Variants in MTMR12 observed in about 807,000 individuals in gnomAD.
The protein encoded by MTMR12 is myotubularin related protein 12, also known as myotubularin-related protein 12.
A neutral mutation model predicts 96.7 loss-of-function variants in MTMR12; 33 were observed. That is an observed-to-expected ratio of 0.34 (90% CI 0.26 to 0.46). The LOEUF is 0.46. Ranked by LOEUF, MTMR12 falls within the 20% of genes least tolerant of loss-of-function variation. The pLI is 1.00. For synonymous variants in MTMR12, 298 were observed against 327.2 expected (o/e 0.91, Z 0.96); for missense variants, 721 against 896.1 (o/e 0.80, Z 2.49).
At chr5:32,244,509 T>C (rs1370725115) in intron 10 of MTMR12, among the ~76,000 whole-genome samples, 1 of 152,118 alleles carries the variant, frequency 6.6e-6, no homozygotes, top group African/African-American at 2.4e-5. Context: ...GAGAATTGCT[T>C]GAACCAGGGT....
chr5:32,234,012 C>T, intron 14 of MTMR12, 78 bp from the exon 15 acceptor site: 1 of 1,534,408 alleles, frequency 6.5e-7, no homozygotes, highest in Non-Finnish European at 9.0e-7. Flanking sequence ...GACACAGGCA[C>T]CAGGAAGCAT....
intron 1 of MTMR12, among the ~76,000 whole-genome samples, chr5:32,290,588 A>G (rs915534504): frequency 2.0e-5 from 3 of 152,128 alleles, no homozygotes; most frequent in Non-Finnish European, 2.9e-5. Flanking sequence ...TGAGTGTGTT[A>G]CTCCAGCCCA....
chr5:32,271,138 C>T (rs1023766558), intron 4 of MTMR12, among the ~76,000 whole-genome samples, 191 bp from the exon 5 acceptor site: 1 of 152,226 alleles, frequency 6.6e-6, no homozygotes, highest in Non-Finnish European at 1.5e-5. Context: ...TCTCTGAGAG[C>T]AGTCAGCGTG....
chr5:32,253,291 C>CTA (rs1483620877), intron 8 of MTMR12, among the ~76,000 whole-genome samples: 1 of 152,164 alleles, frequency 6.6e-6, no homozygotes, highest in Non-Finnish European at 1.5e-5. Context: ...AAACAAGAGG[C>CTA]TATAGTGGTA....
intron 1 of MTMR12, among the ~76,000 whole-genome samples, chr5:32,280,758 G>C (rs889407115): frequency 1.3e-5 from 2 of 152,110 alleles, no homozygotes; most frequent in Admixed American, 6.6e-5. Flanking sequence ...TAAACTGACT[G>C]AGTGTCAGTT....
In MTMR12 at chr5:32,296,514, G is replaced by A. The variant is rs142296482; in HGVS notation, c.81+16244C>T. ...AACGAGAAAAAAAAAGGTGTAATTG[G>A]CTGGGCATGGCGATTTACACTTTGC... On this transcript the variant is annotated intron_variant, in intron 1 of 15. Coordinates refer to ENST00000382142, the MANE Select transcript of MTMR12 (RefSeq NM_001040446.3). The A allele has an allele frequency of 4.4e-5, 15 of 340,096 alleles. No homozygotes were observed. In the East Asian group the frequency reaches 1.0e-3, roughly 24 times the overall value. The allele number at this position is 340,096 out of a possible 1,614,324, so 21.1% of individuals were successfully genotyped here. A position where few individuals can be genotyped will look rare whatever the true frequency, so the allele number is the denominator to read the frequency against.
intron 7 of MTMR12, among the ~76,000 whole-genome samples, chr5:32,259,801 T>A (rs1581609477): frequency 1.3e-5 from 2 of 152,044 alleles, no homozygotes; most frequent in Non-Finnish European, 2.9e-5. Context: ...TTTGGGAGGC[T>A]GAGGCAGGCG....
intron 4 of MTMR12, 139 bp downstream of exon 4, chr5:32,271,694 G>T (rs370624550): frequency 4.2e-6 from 2 of 475,860 alleles, no homozygotes; most frequent in East Asian, 7.3e-5. Context: ...CTCAATTTTA[G>T]CATCTATAAA....
chr5:32,301,678 G>A (rs907185945), intron 1 of MTMR12, among the ~76,000 whole-genome samples: 2 of 152,068 alleles, frequency 1.3e-5, no homozygotes, highest in East Asian at 1.9e-4. Context: ...ATCACCTGAG[G>A]GTAGGAGTTT....
At chr5:32,246,177 T>TTTTTTTGTTTTTTG (rs1342604800) in intron 10 of MTMR12, among the ~76,000 whole-genome samples, 31 of 150,160 alleles carry the variant, frequency 2.1e-4, no homozygotes, top group Admixed American at 1.2e-3. Flanking sequence ...ACAGTTTTTT[T>TTTTTTTGTTTTTTG]TTTTTTTGAG....
chr5:32,288,835 C>G (rs1750641968), intron 1 of MTMR12, among the ~76,000 whole-genome samples: 1 of 152,122 alleles, frequency 6.6e-6, no homozygotes, highest in South Asian at 2.1e-4. Flanking sequence ...GTAAGGGATC[C>G]AAAGGCTTAG....
At chr5:32,291,658 G>A (rs1042333659) in intron 1 of MTMR12, among the ~76,000 whole-genome samples, 4 of 152,108 alleles carry the variant, frequency 2.6e-5, no homozygotes, top group African/African-American at 9.7e-5. Flanking sequence ...CACACAATGG[G>A]CCCATAAACG....
At chr5:32,249,839 AAGAC>A (rs1748846650) in intron 8 of MTMR12, among the ~76,000 whole-genome samples, 1 of 152,214 alleles carries the variant, frequency 6.6e-6, no homozygotes. Context: ...ATGGAGAAGA[AAGAC>A]AGACTGGTTG....
At chr5:32,256,897 T>G (rs1020864314) in intron 7 of MTMR12, among the ~76,000 whole-genome samples, 1 of 152,202 alleles carries the variant, frequency 6.6e-6, no homozygotes, top group East Asian at 1.9e-4. Flanking sequence ...TGAAAATCTA[T>G]AGATGAAGCA....
intron 6 of MTMR12, among the ~76,000 whole-genome samples, chr5:32,265,579 AAGACAGCACCC>A (rs1749556634): frequency 6.6e-6 from 1 of 152,242 alleles, no homozygotes; most frequent in Non-Finnish European, 1.5e-5. Flanking sequence ...CACAAACTCT[AAGACAGCACCC>A]AGTTAATCAG....
chr5:32,232,878 G>C (rs768793187), intron 15 of MTMR12: 164 of 832,234 alleles, frequency 2.0e-4, no homozygotes, highest in Non-Finnish European at 2.3e-4. Flanking sequence ...CACCAGAAAG[G>C]GCCAGGCTTT....
intron 3 of MTMR12, among the ~76,000 whole-genome samples, chr5:32,272,668 C>T (rs891156883): frequency 1.2e-4 from 19 of 152,152 alleles, no homozygotes; most frequent in Non-Finnish European, 1.6e-4. Context: ...TAAGAGCCAC[C>T]GCGCGTGGTC....
In MTMR12 at chr5:32,312,872, C is replaced by G; in HGVS notation, c.-34G>C. 1.3e-6 allele frequency: 2 copies of G among 1,507,146 alleles called. No homozygotes were observed. The highest frequency in any genetic ancestry group is 8.8e-7 in the Non-Finnish European group (1 of 1,133,272). The allele number at this position is 1,507,146 out of a possible 1,614,324, so 93.4% of individuals were successfully genotyped here. A position where few individuals can be genotyped will look rare whatever the true frequency, so the allele number is the denominator to read the frequency against. ...CCTGGGAAGCAGCGACGCGCGGACG[C>G]AGAGGCGGCGGCTCGGGCTCCAGCT... On this transcript the variant is annotated 5_prime_UTR_variant, in exon 1 of 16. Coordinates refer to ENST00000382142, the MANE Select transcript of MTMR12 (RefSeq NM_001040446.3). The surrounding 1 kb of genome is among the most constrained non-coding windows in gnomAD (Gnocchi z 5.0).
chr5:32,293,098 T>A (rs572847052), intron 1 of MTMR12, among the ~76,000 whole-genome samples: 67 of 152,362 alleles, frequency 4.4e-4, no homozygotes, highest in Non-Finnish European at 9.0e-4. Context: ...ATGACCTTAC[T>A]ATTGTCTTTA....
Sources: allele counts gnomAD v4.1 joint callset (sites outside exome capture counted in the v4.1 genomes callset), GRCh38; gene constraint gnomAD v4.1.1; non-coding constraint Gnocchi (gnomAD v3.1); transcripts MANE v1.5; gene names NCBI Gene and HGNC (gene_info 2026-07-23, HGNC 2026-07-21).